The following INPP5A variants were observed in gnomAD, a reference collection of about 807,000 sequenced individuals.
INPP5A encodes 43 kDa inositol polyphosphate 5-phophatase.
A neutral mutation model predicts 65.2 loss-of-function variants in INPP5A; 14 were observed. That is an observed-to-expected ratio of 0.21 (90% CI 0.14 to 0.34). The LOEUF (loss-of-function observed/expected upper bound fraction) is 0.34, where lower values mean the gene tolerates loss of function less well. Among genes scored for constraint, INPP5A ranks in the 10% least tolerant of loss-of-function variants. The pLI is 1.00. For synonymous variants in INPP5A, 207 were observed against 208.3 expected (o/e 0.99, Z 0.05); for missense variants, 431 against 545.6 (o/e 0.79, Z 2.09).
chr10:132,638,154 G>A (rs1201149785), intron 2 of INPP5A, among the ~76,000 whole-genome samples: 1 of 152,042 alleles, frequency 6.6e-6, no homozygotes, highest in Non-Finnish European at 1.5e-5. Context: ...TTGCCACCTG[G>A]TGACTCAGGG....
At chr10:132,599,589 G>A (rs972760656) in intron 1 of INPP5A, among the ~76,000 whole-genome samples, 2 of 152,234 alleles carry the variant, frequency 1.3e-5, no homozygotes, top group Non-Finnish European at 2.9e-5. Context: ...GAGGACTGGA[G>A]GATGGTGGCC....
Position 132,644,514 on chromosome 10 carries a change from C to T in INPP5A, c.118-1354C>T, listed in dbSNP as rs1006772675. The stretch of plus-strand genomic sequence containing the variant: ...GCTCAGCTGCGCCCTGGACCGTGGC[C>T]GCTGGGCTCCTGGGAGGTGGGCCAT... On this transcript the variant is annotated intron_variant, in intron 2 of 15. Transcript: ENST00000368594. This position sits in a 1 kb window ranked among gnomAD's most constrained non-coding sequence, Gnocchi z 6.5. 2.0e-5 allele frequency among the ~76,000 whole-genome samples: 3 copies of T among 152,226 alleles called. No individual in the cohort carries two copies. The highest frequency in any genetic ancestry group is 2.9e-5 in the Non-Finnish European group (2 of 68,036).
chr10:132,749,731 G>T (rs751472060), intron 10 of INPP5A, 40 bp from the exon 11 acceptor site: 1 of 1,602,554 alleles, frequency 6.2e-7, no homozygotes, highest in South Asian at 1.1e-5. Context: ...GCACAAGGCT[G>T]GGGGAGCTCA....
intron 1 of INPP5A, among the ~76,000 whole-genome samples, chr10:132,588,968 T>A (rs1380537508): frequency 1.4e-5 from 2 of 144,862 alleles, no homozygotes; most frequent in Non-Finnish European, 3.0e-5. Flanking sequence ...GGAGTGTGGG[T>A]TGTGGTCCCA....
intron 9 of INPP5A, among the ~76,000 whole-genome samples, chr10:132,746,493 C>T (rs1033277278): frequency 6.6e-6 from 1 of 152,220 alleles, no homozygotes; most frequent in Admixed American, 6.5e-5. Flanking sequence ...TTTCCTTGCA[C>T]AGAAAACAGC....
chr10:132,600,934 TTC>T (rs1448860361), intron 1 of INPP5A, among the ~76,000 whole-genome samples: 1 of 152,216 alleles, frequency 6.6e-6, no homozygotes, highest in Non-Finnish European at 1.5e-5. Context: ...CACATGGGAA[TTC>T]TGGGAGATAC....
intron 11 of INPP5A, among the ~76,000 whole-genome samples, chr10:132,760,533 T>A (rs1316839211): frequency 6.6e-6 from 1 of 152,188 alleles, no homozygotes; most frequent in Non-Finnish European, 1.5e-5. Context: ...TGCAGAAGGT[T>A]GGAGGAATGC....
At chr10:132,714,482 TTGTC>T (rs953344317) in intron 8 of INPP5A, among the ~76,000 whole-genome samples, 53 of 152,280 alleles carry the variant, frequency 3.5e-4, no homozygotes, top group African/African-American at 1.2e-3. Flanking sequence ...CGGGCGCACA[TTGTC>T]TGCCCCGCAG....
chr10:132,688,250 A>G (rs1224172177), intron 4 of INPP5A, among the ~76,000 whole-genome samples: 1 of 152,156 alleles, frequency 6.6e-6, no homozygotes, highest in African/African-American at 2.4e-5. Context: ...TCCCCTCACC[A>G]TGCACTGTGC....
intron 1 of INPP5A, among the ~76,000 whole-genome samples, chr10:132,586,181 C>T (rs556339032): frequency 1.3e-5 from 2 of 152,334 alleles, no homozygotes; most frequent in South Asian, 4.1e-4. Flanking sequence ...GGTGCTGACC[C>T]TCCTGGGCCA....
At chr10:132,615,797 A>G (rs1212743003) in intron 2 of INPP5A, among the ~76,000 whole-genome samples, 3 of 152,196 alleles carry the variant, frequency 2.0e-5, no homozygotes, top group Admixed American at 6.5e-5. Context: ...AGTGGAGTGT[A>G]GGCACTGGGT....
chr10:132,633,698 C>T (rs2072302745), intron 2 of INPP5A, among the ~76,000 whole-genome samples: 1 of 152,208 alleles, frequency 6.6e-6, no homozygotes. Flanking sequence ...TGTTCAGAGG[C>T]ACTCACTCGA....
intron 8 of INPP5A, among the ~76,000 whole-genome samples, chr10:132,713,148 GTGTA>G (rs1247287951): frequency 2.6e-5 from 4 of 151,594 alleles, no homozygotes; most frequent in South Asian, 2.1e-4. Flanking sequence ...TGGAGTGCAT[GTGTA>G]TGTGTGTGTG....
intron 1 of INPP5A, among the ~76,000 whole-genome samples, chr10:132,574,361 G>C (rs2071389423): frequency 6.7e-6 from 1 of 148,346 alleles, no homozygotes; most frequent in African/African-American, 2.5e-5. Flanking sequence ...GGATGTGCGT[G>C]CCGTGTGAGG....
intron 4 of INPP5A, among the ~76,000 whole-genome samples, chr10:132,654,658 G>GAATAC (rs2072628074): frequency 6.6e-6 from 1 of 152,240 alleles, no homozygotes; most frequent in African/African-American, 2.4e-5. Flanking sequence ...CAAGATTGAT[G>GAATAC]GTATTGGAGC....
At chr10:132,660,361 C>T (rs964334106) in intron 4 of INPP5A, among the ~76,000 whole-genome samples, 8 of 152,200 alleles carry the variant, frequency 5.3e-5, no homozygotes, top group African/African-American at 1.9e-4. Flanking sequence ...AACTAGAAGA[C>T]TGAAGTGGAC....
rs2071218750 is a variant in INPP5A at position 132,562,453 on chromosome 10, G to A, written c.75+24282G>A. Among the ~76,000 whole-genome samples, 2 of 152,258 alleles carry A rather than the reference G, an allele frequency of 1.3e-5. 1 individual carries two copies. Among genetic ancestry groups the A allele is most frequent in the South Asian group, 4.1e-4 (2 of 4,838 alleles). ...CCCCCATGAGGTGCGTAGAGTTCCTGTGAGGAGTGTGCACCCAGCAGCTCG... is the reference window on the plus strand; with the variant it reads ...CCCCCATGAGGTGCGTAGAGTTCCTATGAGGAGTGTGCACCCAGCAGCTCG... On this transcript the variant is annotated intron_variant, in intron 1 of 15. Transcript: ENST00000368594.
chr10:132,612,427 T>A (rs2071971819), intron 2 of INPP5A, among the ~76,000 whole-genome samples: 1 of 151,822 alleles, frequency 6.6e-6, no homozygotes, highest in East Asian at 1.9e-4. Flanking sequence ...TTTTGTGGGG[T>A]TTGGGGAGGC....
intron 2 of INPP5A, among the ~76,000 whole-genome samples, chr10:132,622,290 A>G (rs36092496): frequency 0.014 from 2,074 of 144,792 alleles, 19 homozygotes; most frequent in South Asian, 0.035. Flanking sequence ...TTACACTGAC[A>G]TGTTAGAACT....
Sources: allele counts gnomAD v4.1 joint callset (sites outside exome capture counted in the v4.1 genomes callset), GRCh38; gene constraint gnomAD v4.1.1; non-coding constraint Gnocchi (gnomAD v3.1); transcripts MANE v1.5; gene names NCBI Gene and HGNC (gene_info 2026-07-23, HGNC 2026-07-21).